The following CHMP3 variants were observed in gnomAD, a reference collection of about 807,000 sequenced individuals.
CHMP3 encodes charged multivesicular body protein 3.
In CHMP3, 8 loss-of-function variants were observed where a neutral mutation model predicts 27.4. The ratio of observed to expected loss-of-function variants is 0.29; its 90% CI spans 0.17 to 0.53. The LOEUF is 0.53. Ranked by LOEUF, CHMP3 falls within the 20% of genes least tolerant of loss-of-function variation. CHMP3 has a pLI of 0.96. For missense variants in CHMP3, 208 were observed against 271.5 expected, an observed-to-expected ratio of 0.77 and a Z score of 1.64; for synonymous variants, 86 against 85.5, an observed-to-expected ratio of 1.01 and a Z score of -0.03.
intron 3 of CHMP3, chr2:86,511,647 C>A (rs997824759): frequency 1.3e-5 from 2 of 151,730 alleles, no homozygotes; most frequent in Non-Finnish European, 2.9e-5. Flanking sequence ...CAAATTCCAT[C>A]CAGTTTTGTT....
At chr2:86,555,508 AAAAT>A (rs1031862799) in intron 1 of CHMP3, among the ~76,000 whole-genome samples, 11 of 150,960 alleles carry the variant, frequency 7.3e-5, no homozygotes, top group Non-Finnish European at 1.2e-4. Flanking sequence ...CTCAAAAAAA[AAAAT>A]AAATAAATAA....
intron 1 of CHMP3, among the ~76,000 whole-genome samples, chr2:86,552,771 TTA>T: frequency 6.6e-6 from 1 of 152,220 alleles, no homozygotes; most frequent in South Asian, 2.1e-4. Context: ...CTTATCAAAC[TTA>T]GATCCAACTT....
intron 3 of CHMP3, among the ~76,000 whole-genome samples, chr2:86,514,279 T>C (rs987420078): frequency 3.3e-5 from 5 of 152,216 alleles, no homozygotes; most frequent in African/African-American, 1.2e-4. Flanking sequence ...GTGGTCAAGT[T>C]TTCCGTTATT....
intron 1 of CHMP3, among the ~76,000 whole-genome samples, chr2:86,557,715 C>G (rs1468861185): frequency 6.6e-6 from 1 of 152,176 alleles, no homozygotes; most frequent in Non-Finnish European, 1.5e-5. Flanking sequence ...CTACCGTCCA[C>G]CTGGTGAATG....
chr2:86,526,890 A>G (rs1203341555), intron 3 of CHMP3, among the ~76,000 whole-genome samples: 2 of 152,090 alleles, frequency 1.3e-5, no homozygotes, highest in East Asian at 1.9e-4. Context: ...ACATGAACAT[A>G]TTTCAAAAAC....
chr2:86,533,593 T>G (rs555690659), intron 2 of CHMP3, among the ~76,000 whole-genome samples: 53 of 152,074 alleles, frequency 3.5e-4, no homozygotes, highest in Non-Finnish European at 6.8e-4. Context: ...CTGTAACTTC[T>G]GCCTCTGGGT....
chr2:86,538,476 C>T (rs1676233938), intron 2 of CHMP3, among the ~76,000 whole-genome samples: 1 of 152,026 alleles, frequency 6.6e-6, no homozygotes, highest in South Asian at 2.1e-4. Context: ...TAGTATGACT[C>T]ACTTATAAAC....
intron 1 of CHMP3, among the ~76,000 whole-genome samples, chr2:86,546,794 T>C (rs537988751): frequency 7.9e-5 from 12 of 152,332 alleles, no homozygotes; most frequent in East Asian, 7.7e-4. Context: ...CTCTGGAGAA[T>C]TGTTTATTCA....
chr2:86,546,482 G>C lies in CHMP3; in HGVS notation c.46-4170C>G, dbSNP rs973009311. Among the ~76,000 whole-genome samples the C allele has an allele frequency of 4.0e-5, 6 of 150,640 alleles. No homozygotes were observed. The East Asian group carries it at 1.2e-3, about 29-fold the overall frequency. On this transcript the variant is annotated intron_variant, in intron 1 of 5. Transcript: ENST00000263856. ...GACGGACTTTCGCTCTTGTTGGCCA[G>C]GCTGGAGTACAGTGGCGCAATCTCA...
chr2:86,527,162 C>A (rs973509788), intron 3 of CHMP3: 1 of 151,776 alleles, frequency 6.6e-6, no homozygotes, highest in Middle Eastern at 3.4e-3. Context: ...ATAATCCCAG[C>A]ACTTTGGAAG....
At chr2:86,519,101 C>T (rs978568251) in intron 3 of CHMP3, among the ~76,000 whole-genome samples, 5 of 152,092 alleles carry the variant, frequency 3.3e-5, no homozygotes, top group African/African-American at 1.2e-4. Context: ...GGGCCGGGCA[C>T]GGTGGCTCAC....
At position 86,504,729 on chromosome 2, in the gene CHMP3, G is replaced by A. The variant is rs1339369452; in HGVS notation, c.*1075C>T. ...ACAATATACAAAAAACAATCTGTGA[G>A]ACAGTGGCTGGGCTTTTTTCCTGCC... is the stretch of plus-strand genomic sequence containing the variant. On this transcript the variant is annotated 3_prime_UTR_variant, in exon 6 of 6. Transcript: ENST00000263856. 3 of 152,100 alleles carry A rather than the reference G, an allele frequency of 2.0e-5. No homozygotes were observed. Among genetic ancestry groups the A allele is most frequent in the Non-Finnish European group, 2.9e-5 (2 of 68,028 alleles). The allele number at this position is 152,100 out of a possible 1,614,324, so 9.4% of individuals were successfully genotyped here.
intron 3 of CHMP3, among the ~76,000 whole-genome samples, chr2:86,523,204 G>A (rs2103924819): frequency 6.6e-6 from 1 of 152,226 alleles, no homozygotes; most frequent in Non-Finnish European, 1.5e-5. Context: ...TGTTGGGAAT[G>A]CACAGTTCTT....
At chr2:86,563,181 C>T (rs1558666858) in intron 1 of CHMP3, 123 bp downstream of exon 1, 1 of 1,205,388 alleles carries the variant, frequency 8.3e-7, no homozygotes, top group African/African-American at 1.5e-5. Flanking sequence ...GAGTGGGAGT[C>T]CCCGGAAATG....
intron 1 of CHMP3, among the ~76,000 whole-genome samples, chr2:86,543,013 CT>C (rs112827470): frequency 2.2e-4 from 33 of 152,270 alleles, no homozygotes; most frequent in African/African-American, 7.7e-4. Flanking sequence ...TTACTATGTG[CT>C]TTTTAGTACA....
intron 2 of CHMP3, among the ~76,000 whole-genome samples, chr2:86,538,470 A>G (rs997661980): frequency 2.5e-4 from 38 of 152,208 alleles, no homozygotes; most frequent in African/African-American, 8.7e-4. Flanking sequence ...CAAGACTAGT[A>G]TGACTCACTT....
rs756318422 is a variant in CHMP3, at chr2:86,563,360, C to G, written c.-12G>C. The stretch of plus-strand genomic sequence containing the variant: ...CCAAACAGCCCCATGACGAACTGAA[C>G]CCGTCTTGCCCCTTCCGGCTTTCAG... On this transcript the variant is annotated 5_prime_UTR_variant, in exon 1 of 6. Transcript: ENST00000263856. The G allele has an allele frequency of 3.1e-6, 5 of 1,613,652 alleles. No individual in the cohort carries two copies. Among genetic ancestry groups the G allele is most frequent in the East Asian group, 4.5e-5 (2 of 44,872 alleles).
intron 2 of CHMP3, among the ~76,000 whole-genome samples, chr2:86,535,383 C>CTTGATT (rs1256201212): frequency 1.3e-5 from 2 of 151,528 alleles, no homozygotes; most frequent in Non-Finnish European, 2.9e-5. Context: ...TGTGTGTTTA[C>CTTGATT]TTGATTTTTT....
rs774428243 is a variant in CHMP3, at chr2:86,504,547, A to G, written c.*1257T>C. On this transcript the variant is annotated 3_prime_UTR_variant, in exon 6 of 6. Transcript: ENST00000263856. ...TTTTTTGGAGAGACAGGATCTTGCTATGTTGCCCAGGCTGGTCTTGAACTC... is the reference window on the plus strand; with the variant it reads ...TTTTTTGGAGAGACAGGATCTTGCTGTGTTGCCCAGGCTGGTCTTGAACTC... 3 of 103,084 alleles carry G rather than the reference A, an allele frequency of 2.9e-5. No homozygotes were observed. Among genetic ancestry groups the G allele is most frequent in the Non-Finnish European group, 5.3e-5 (3 of 57,038 alleles). 6.4% of individuals were successfully genotyped at this position (103,084 alleles called of 1,614,324 possible).
Sources: gnomAD v4.1 joint callset for allele counts (sites outside exome capture counted in the v4.1 genomes callset) on GRCh38, gnomAD v4.1.1 for gene constraint, MANE v1.5 for transcripts, NCBI Gene and HGNC (gene_info 2026-07-23, HGNC 2026-07-21) for gene names.